TRPM2: variants seen among roughly 807,000 people sequenced by gnomAD.
The protein encoded by TRPM2 is estrogen-responsive element-associated gene 1 protein.
Under a neutral mutation model 174.0 loss-of-function variants are expected in TRPM2, and 161 were observed. The ratio of observed to expected loss-of-function variants is 0.93; its 90% CI spans 0.81 to 1.05. The LOEUF is 1.05. Ranked by LOEUF, TRPM2 falls within the 50% of genes least tolerant of loss-of-function variation. TRPM2 has a pLI of 0.00. For missense variants in TRPM2, 2,057 were observed against 2,038.0 expected (o/e 1.01, Z -0.18); for synonymous variants, 954 against 861.3 (o/e 1.11, Z -1.88).
chr21:44,405,919 C>T lies in TRPM2; in HGVS notation c.2672C>T (p.Thr891Met), dbSNP rs369200126. 4.4e-5 allele frequency: 70 copies of T among 1,604,398 alleles called. No homozygotes were observed. The highest frequency in any genetic ancestry group is 1.9e-4 in the African/African-American group (14 of 75,036). ...CCGGCGGCCAGGCTCATCCCGGCGACGCTGTACCCCGGGCGCGTCATCCTC... is the reference window on the plus strand; with the variant it reads ...CCGGCGGCCAGGCTCATCCCGGCGATGCTGTACCCCGGGCGCGTCATCCTC... ...AGLTCRLIPA[T>M]LYPGRVILSL... is the part of the protein sequence containing the mutation. Residue 891 changes from threonine to methionine, a missense_variant, in exon 18 of 32, where the codon ACG (threonine) becomes ATG (methionine). Physicochemically the swap from Thr to Met is moderately conservative, Grantham distance 81. Coordinates refer to ENST00000397928, the MANE Select transcript of TRPM2 (RefSeq NM_003307.4).
intron 22 of TRPM2, 194 bp from the exon 23 acceptor site, chr21:44,423,451 C>T (rs2050623821): frequency 1.7e-6 from 1 of 576,556 alleles, no homozygotes; most frequent in African/African-American, 1.9e-5. Flanking sequence ...GCTGAGACAT[C>T]TTCCCCTCTG....
intron 16 of TRPM2, among the ~76,000 whole-genome samples, chr21:44,402,930 C>T (rs1043713230): frequency 6.6e-6 from 1 of 152,182 alleles, no homozygotes; most frequent in Non-Finnish European, 1.5e-5. Flanking sequence ...CCAGTTACCC[C>T]AGTTAGAAAG....
At chr21:44,417,018 G>T (rs2050312707) in intron 20 of TRPM2, among the ~76,000 whole-genome samples, 1 of 106,084 alleles carries the variant, frequency 9.4e-6, no homozygotes, top group Admixed American at 1.1e-4. Flanking sequence ...CTGCTCTCTG[G>T]CATCACAGTG....
Position 44,391,293 on chromosome 21 carries a change from A to G in TRPM2, c.1462A>G (p.Met488Val), listed in dbSNP as rs1265980671. The G allele has an allele frequency of 1.2e-6, 2 of 1,613,764 alleles. No homozygotes were observed. Among genetic ancestry groups the G allele is most frequent in the African/African-American group, 1.3e-5 (1 of 74,924 alleles). ...QWKPSDLHPT[M>V]TAALISNKPE... ...TCAGCCTTCAGATCTGCACCCCACGATGACAGCTGCACTCATCTCCAACAA... is the reference window on the plus strand; with the variant it reads ...TCAGCCTTCAGATCTGCACCCCACGGTGACAGCTGCACTCATCTCCAACAA... Residue 488 changes from methionine to valine, a missense_variant, in exon 11 of 32, where the codon ATG (methionine) becomes GTG (valine). Coordinates refer to ENST00000397928, the MANE Select transcript of TRPM2 (RefSeq NM_003307.4). This position sits in a 1 kb window ranked among gnomAD's most constrained non-coding sequence, Gnocchi z 5.0.
intron 24 of TRPM2, 105 bp downstream of exon 24, chr21:44,425,044 G>C: frequency 9.6e-7 from 1 of 1,042,940 alleles, no homozygotes. Flanking sequence ...CTCTGTCCAG[G>C]AGGAAGGCAC....
intron 19 of TRPM2, among the ~76,000 whole-genome samples, chr21:44,413,227 CTTTT>C (rs958225632): frequency 1.7e-5 from 2 of 116,270 alleles, no homozygotes; most frequent in African/African-American, 6.6e-5. Context: ...CTTTTCAATT[CTTTT>C]TTTTTTTTTT....
Position 44,436,205 on chromosome 21 carries a change from C to T in TRPM2, c.4062-857C>T, listed in dbSNP as rs533098653. ...CCTTCTGTGCAGGTGCAGACGCCTG[C>T]GTCCCTGAGGAAGCTGCCGGGGGCT... is the stretch of plus-strand genomic sequence containing the variant. On this transcript the variant is annotated intron_variant, in intron 28 of 31. Transcript: ENST00000397928. 3.0e-4 allele frequency among the ~76,000 whole-genome samples: 46 copies of T among 152,334 alleles called. 1 individual carries two copies. The highest frequency in any genetic ancestry group is 1.0e-3 in the African/African-American group (42 of 41,566).
chr21:44,395,723 C>A (rs28729446), intron 12 of TRPM2, among the ~76,000 whole-genome samples, 172 bp downstream of exon 12: 1 of 3,312 alleles, frequency 3.0e-4, no homozygotes, highest in Non-Finnish European at 5.4e-4. Context: ...GTGTGGAGGG[C>A]TGTGGAGGGA....
chr21:44,354,585 C>T lies in TRPM2; in HGVS notation c.166-63C>T. The stretch of plus-strand genomic sequence containing the variant: ...CTCCTCAAGGAGCTCAGATGTGTCT[C>T]CAGGGGGCTGGGTGTGCTCTTTCGA... On this transcript the variant is annotated intron_variant, in intron 1 of 31. Transcript: ENST00000397928. This position sits in a 1 kb window ranked among gnomAD's most constrained non-coding sequence, Gnocchi z 4.3. The T allele has an allele frequency of 6.8e-7, 1 of 1,465,176 alleles. No individual in the cohort carries two copies. The highest frequency in any genetic ancestry group is 9.6e-7 in the Non-Finnish European group (1 of 1,044,692). The allele number at this position is 1,465,176 out of a possible 1,614,324, so 90.8% of individuals were successfully genotyped here.
chr21:44,365,814 C>T (rs1228868405), intron 3 of TRPM2, among the ~76,000 whole-genome samples: 1 of 152,182 alleles, frequency 6.6e-6, no homozygotes, highest in Non-Finnish European at 1.5e-5. Flanking sequence ...AGCCCGGGAG[C>T]GTCCACCATG....
chr21:44,390,600 C>T (rs1427478716), intron 9 of TRPM2, among the ~76,000 whole-genome samples: 2 of 152,150 alleles, frequency 1.3e-5, no homozygotes, highest in East Asian at 3.8e-4. Flanking sequence ...CAGTGAGGCC[C>T]TTTTCTTGCT....
intron 2 of TRPM2, among the ~76,000 whole-genome samples, chr21:44,362,466 C>T (rs540022552): frequency 6.7e-6 from 1 of 149,760 alleles, no homozygotes; most frequent in African/African-American, 2.5e-5. Flanking sequence ...GAGCAAAGAT[C>T]GGCGCCACTG....
At position 44,353,834 on chromosome 21, in the gene TRPM2, G is replaced by C. The variant is rs760077535; in HGVS notation, c.134G>C (p.Arg45Thr). ...AACAGCAGCCTCTTCAAGAGCTGGA[G>C]GCTACAGTGCCCCTTCGGCAACAAT... ...RSNSSLFKSW[R>T]LQCPFGNNDK... is the part of the protein sequence containing the mutation. The change falls in exon 1 of 32, where the codon AGG becomes ACG. Residue 45 changes from arginine (R) to threonine (T), a missense_variant. By Grantham distance (71) the Arg-to-Thr change is moderately conservative. Transcript: ENST00000397928. 10 of 1,601,874 alleles carry C rather than the reference G, an allele frequency of 6.2e-6. No homozygotes were observed. In the South Asian group the frequency reaches 9.0e-5, roughly 14 times the overall value.
chr21:44,401,998 C>A, intron 16 of TRPM2, 101 bp downstream of exon 16: 1 of 1,335,364 alleles, frequency 7.5e-7, no homozygotes, highest in South Asian at 1.2e-5. Flanking sequence ...ATCTAGCCTG[C>A]CCAGCTCCCT....
chr21:44,440,888 C>T lies in TRPM2; in HGVS notation c.4369C>T (p.Leu1457=), dbSNP rs936828562. ...VHFQDQNDVE[L]NRLNSNLHAC... is the part of the protein sequence containing the mutation. ...CTTCCAGGACCAGAATGACGTGGAG[C>T]TGAACAGGCTGAACTCTGTATGTGC... The change falls in exon 31 of 32, where the codon CTG becomes TTG. Residue 1457 remains leucine (L), a synonymous_variant. Coordinates refer to ENST00000397928, the MANE Select transcript of TRPM2 (RefSeq NM_003307.4). 1.2e-6 allele frequency: 2 copies of T among 1,613,806 alleles called. No individual in the cohort carries two copies. Among genetic ancestry groups the T allele is most frequent in the Non-Finnish European group, 1.7e-6 (2 of 1,179,928 alleles).
upstream of TRPM2, among the ~76,000 whole-genome samples, chr21:44,351,713 C>T (rs2047928374): frequency 6.6e-6 from 1 of 152,224 alleles, no homozygotes. Flanking sequence ...GGCACCCGTC[C>T]TGTTGGGCAC....
intron 25 of TRPM2, 116 bp from the exon 26 acceptor site, chr21:44,426,544 T>G: frequency 7.3e-5 from 73 of 1,003,350 alleles, no homozygotes; most frequent in East Asian, 3.5e-4. Flanking sequence ...CTGCCCTGCA[T>G]GTTGGGATGT....
At chr21:44,383,450 G>T (rs1405767257) in intron 9 of TRPM2, among the ~76,000 whole-genome samples, 1 of 152,194 alleles carries the variant, frequency 6.6e-6, no homozygotes, top group East Asian at 1.9e-4. Flanking sequence ...ATTCTGAAGG[G>T]CTCAGCAGAG....
At chr21:44,373,131 G>A (rs750500409) in intron 5 of TRPM2, among the ~76,000 whole-genome samples, 1 of 152,068 alleles carries the variant, frequency 6.6e-6, no homozygotes, top group East Asian at 1.9e-4. Context: ...CTCCTTGCCT[G>A]GTCTCTTCAT....
Sources: gnomAD v4.1 joint callset for allele counts (sites outside exome capture counted in the v4.1 genomes callset) on GRCh38, gnomAD v4.1.1 for gene constraint, Gnocchi (gnomAD v3.1) non-coding constraint, MANE v1.5 for transcripts, NCBI Gene and HGNC (gene_info 2026-07-23, HGNC 2026-07-21) for gene names.